The following DPP10 variants were observed in gnomAD, a reference collection of about 807,000 sequenced individuals.
DPP10 encodes the protein inactive dipeptidyl peptidase 10.
A neutral mutation model predicts 120.9 loss-of-function variants in DPP10; 33 were observed. The ratio of observed to expected loss-of-function variants is 0.27; its 90% CI spans 0.21 to 0.37. The LOEUF is 0.37. Among genes scored for constraint, DPP10 ranks in the 10% least tolerant of loss-of-function variants. The pLI is 1.00. For synonymous variants in DPP10, 337 were observed against 326.1 expected, an observed-to-expected ratio of 1.03 and a Z score of -0.36; for missense variants, 816 against 942.8, an observed-to-expected ratio of 0.87 and a Z score of 1.76.
intron 3 of DPP10, among the ~76,000 whole-genome samples, chr2:115,483,837 C>G (rs906837188): frequency 6.6e-6 from 1 of 152,004 alleles, no homozygotes. Flanking sequence ...GTGATTCTCC[C>G]AGGGCGTATA....
intron 1 of DPP10, among the ~76,000 whole-genome samples, chr2:115,297,557 T>C (rs1289455716): frequency 6.6e-6 from 1 of 152,078 alleles, no homozygotes; most frequent in Non-Finnish European, 1.5e-5. Context: ...TATTCATCTG[T>C]TTAATAAATA....
chr2:115,073,511 A>G, intron 1 of DPP10, among the ~76,000 whole-genome samples: 1 of 152,240 alleles, frequency 6.6e-6, no homozygotes, highest in East Asian at 1.9e-4. Context: ...AGTTCCTTCT[A>G]AACTTTAAAT....
chr2:114,955,529 A>G (rs1698135759), intron 1 of DPP10, among the ~76,000 whole-genome samples: 1 of 152,190 alleles, frequency 6.6e-6, no homozygotes, highest in Non-Finnish European at 1.5e-5. Flanking sequence ...AAAAGAAACT[A>G]ATACTAATCC....
chr2:114,961,863 A>G (rs527419116), intron 1 of DPP10, among the ~76,000 whole-genome samples: 1 of 152,240 alleles, frequency 6.6e-6, no homozygotes, highest in South Asian at 2.1e-4. Flanking sequence ...CTGAGGCAGG[A>G]GAATTGTTTG....
chr2:115,200,796 C>T (rs2055652644), intron 1 of DPP10, among the ~76,000 whole-genome samples: 1 of 152,112 alleles, frequency 6.6e-6, no homozygotes, highest in African/African-American at 2.4e-5. Flanking sequence ...TGAGTCATTC[C>T]ACACAATGGG....
At chr2:114,921,729 T>C (rs1331593032) in intron 1 of DPP10, among the ~76,000 whole-genome samples, 1 of 152,226 alleles carries the variant, frequency 6.6e-6, no homozygotes, top group East Asian at 1.9e-4. Context: ...ACTTCACCTT[T>C]GGACCGTAGG....
At chr2:115,484,060 AGCAAACTCTGCTCAGAATTTTAAC>A (rs2075613815) in intron 3 of DPP10, among the ~76,000 whole-genome samples, 1 of 151,376 alleles carries the variant, frequency 6.6e-6, no homozygotes, top group South Asian at 2.1e-4. Flanking sequence ...CCAGACAAAC[AGCAAACTCTGCTCAGAATTTTAAC>A]AATTACTAAA....
intron 1 of DPP10, among the ~76,000 whole-genome samples, chr2:114,592,087 G>A (rs1257942323): frequency 2.0e-5 from 3 of 152,194 alleles, no homozygotes; most frequent in African/African-American, 7.2e-5. Context: ...TAGGCTGTAT[G>A]TAGCTCAAAC....
intron 17 of DPP10, among the ~76,000 whole-genome samples, chr2:115,784,928 G>A (rs534286163): frequency 6.6e-4 from 100 of 152,230 alleles, no homozygotes; most frequent in South Asian, 3.7e-3. Context: ...ATTGAAAATA[G>A]AAAAAGACAT....
intron 1 of DPP10, chr2:115,064,947 T>G: frequency 1.5e-6 from 1 of 649,208 alleles, no homozygotes; most frequent in Non-Finnish European, 2.3e-6. Flanking sequence ...ATAGGCCTAA[T>G]AGTTGCCCAC....
At chr2:115,707,536 A>T (rs1045364155) in intron 7 of DPP10, among the ~76,000 whole-genome samples, 10 of 151,292 alleles carry the variant, frequency 6.6e-5, no homozygotes, top group African/African-American at 2.4e-4. Context: ...AGTGATTCTG[A>T]ATGTAGATTT....
intron 1 of DPP10, among the ~76,000 whole-genome samples, chr2:114,929,412 C>T (rs1426587885): frequency 6.6e-5 from 10 of 152,212 alleles, no homozygotes; most frequent in African/African-American, 1.9e-4. Context: ...GGGCTTATTT[C>T]ATCCCTTGTC....
intron 13 of DPP10, among the ~76,000 whole-genome samples, chr2:115,773,801 G>A (rs1215010624): frequency 1.3e-5 from 2 of 152,056 alleles, no homozygotes; most frequent in African/African-American, 4.8e-5. Flanking sequence ...GTGTTGTTCA[G>A]TCATCTACCA....
intron 5 of DPP10, among the ~76,000 whole-genome samples, chr2:115,544,061 G>A (rs2148975418): frequency 6.6e-6 from 1 of 151,008 alleles, no homozygotes; most frequent in African/African-American, 2.4e-5. Context: ...AAACAATCCT[G>A]AAGAAACACT....
At chr2:114,883,945 G>T (rs923169705) in intron 1 of DPP10, among the ~76,000 whole-genome samples, 2 of 152,222 alleles carry the variant, frequency 1.3e-5, no homozygotes, top group Admixed American at 1.3e-4. Context: ...TCAAACTTCT[G>T]TGTACAGAAT....
chr2:114,981,223 C>G (rs922974342), intron 1 of DPP10, among the ~76,000 whole-genome samples: 35 of 151,962 alleles, frequency 2.3e-4, no homozygotes, highest in Non-Finnish European at 4.9e-4. Flanking sequence ...GTGCAAAGGG[C>G]CCCCTACCAC....
Position 115,780,932 on chromosome 2 carries a change from C to G in DPP10, c.1420C>G (p.Gln474Glu), listed in dbSNP as rs760370470. ...CATTTCATGTAATTTCATGAAAGAACAATGTACATATTTTGATGCCAGTTT... is the reference window on the plus strand; with the variant it reads ...CATTTCATGTAATTTCATGAAAGAAGAATGTACATATTTTGATGCCAGTTT... ...QCISCNFMKE[Q>E]CTYFDASFSP... The change falls in exon 16 of 26, where the codon CAA becomes GAA. Residue 474 changes from glutamine (Q) to glutamate (E), a missense_variant. Gln to Glu is a conservative substitution (Grantham distance 29, BLOSUM62 2). Around this residue, in one of 3 missense-constraint regions of DPP10, gnomAD observed 592 missense variants for 649.0 expected, o/e 0.91. Transcript: ENST00000410059. 3 of 1,603,994 alleles carry G rather than the reference C, an allele frequency of 1.9e-6. No homozygotes were observed. The highest frequency in any genetic ancestry group is 2.6e-6 in the Non-Finnish European group (3 of 1,173,296).
At chr2:114,765,502 C>T (rs992085014) in intron 1 of DPP10, among the ~76,000 whole-genome samples, 2 of 152,134 alleles carry the variant, frequency 1.3e-5, no homozygotes, top group Admixed American at 6.5e-5. Flanking sequence ...GATGGAGCCA[C>T]GAGCATATGC....
At chr2:115,294,457 T>A (rs2105942040) in intron 1 of DPP10, among the ~76,000 whole-genome samples, 1 of 152,240 alleles carries the variant, frequency 6.6e-6, no homozygotes, top group Admixed American at 6.5e-5. Context: ...TTAGCTTTTG[T>A]AAATTTACAT....
Sources: gnomAD v4.1 joint callset for allele counts (sites outside exome capture counted in the v4.1 genomes callset) on GRCh38, gnomAD v4.1.1 for gene constraint, gnomAD v4.1.1 regional missense constraint, MANE v1.5 for transcripts, NCBI Gene and HGNC (gene_info 2026-07-23, HGNC 2026-07-21) for gene names.